NDRG3: variants seen among roughly 807,000 people sequenced by gnomAD.
The protein encoded by NDRG3 is NDRG family member 3, also known as protein NDRG3.
Under a neutral mutation model 57.2 loss-of-function variants are expected in NDRG3, and 23 were observed. The observed-to-expected ratio is 0.40, with a 90% CI of 0.29 to 0.57. NDRG3 has a LOEUF of 0.57. Among genes scored for constraint, NDRG3 ranks in the 20% least tolerant of loss-of-function variants. The probability of loss-of-function intolerance (pLI) is 0.42; values close to 1 mark genes in which losing one functional copy is unlikely to be tolerated. For synonymous variants in NDRG3, 132 were observed against 162.6 expected, an observed-to-expected ratio of 0.81 and a Z score of 1.43; for missense variants, 384 against 457.3, an observed-to-expected ratio of 0.84 and a Z score of 1.46.
chr20:36,695,713 G>A (rs1384091738), intron 3 of NDRG3, among the ~76,000 whole-genome samples: 1 of 152,182 alleles, frequency 6.6e-6, no homozygotes, highest in East Asian at 1.9e-4. Context: ...CAATGACAAT[G>A]CATGCACAGC....
intron 1 of NDRG3, among the ~76,000 whole-genome samples, chr20:36,723,659 A>AATATGTGTGTGTGTGTGT (rs74173994): frequency 6.5e-4 from 87 of 132,940 alleles, no homozygotes; most frequent in African/African-American, 2.3e-3. Context: ...ATATTAGTCT[A>AATATGTGTGTGTGTGTGT]GTGTGTGTGT....
chr20:36,724,860 C>T (rs955686758), intron 1 of NDRG3, among the ~76,000 whole-genome samples: 3 of 152,048 alleles, frequency 2.0e-5, no homozygotes, highest in African/African-American at 7.2e-5. Context: ...ACCCAGGAGG[C>T]GGAGGTTGCA....
At chr20:36,744,861 C>T (rs933392825) in intron 1 of NDRG3, among the ~76,000 whole-genome samples, 6 of 151,434 alleles carry the variant, frequency 4.0e-5, no homozygotes, top group African/African-American at 1.2e-4. Flanking sequence ...CTAGCCAAAT[C>T]TGCTCTGTCA....
intron 9 of NDRG3, among the ~76,000 whole-genome samples, chr20:36,669,396 T>A (rs1417862339): frequency 2.6e-5 from 4 of 151,926 alleles, no homozygotes; most frequent in South Asian, 4.2e-4. Flanking sequence ...ACGTGGCTAA[T>A]TTTTTTTGTA....
chr20:36,707,493 C>T (rs1274640150), intron 2 of NDRG3, among the ~76,000 whole-genome samples: 4 of 152,074 alleles, frequency 2.6e-5, no homozygotes, highest in Non-Finnish European at 5.9e-5. Context: ...AAATGAAAGC[C>T]TTGAAATCTA....
intron 3 of NDRG3, among the ~76,000 whole-genome samples, chr20:36,698,344 C>T (rs540104341): frequency 6.6e-6 from 1 of 151,490 alleles, no homozygotes; most frequent in African/African-American, 2.4e-5. Flanking sequence ...AATCCCAGCA[C>T]TTTGGGAGGC....
At chr20:36,726,967 A>T (rs1437355401) in intron 1 of NDRG3, among the ~76,000 whole-genome samples, 1 of 145,150 alleles carries the variant, frequency 6.9e-6, no homozygotes, top group Non-Finnish European at 1.5e-5. Context: ...CCCAGGCTGG[A>T]GCACAGTGGG....
At chr20:36,707,675 G>C (rs1427634175) in intron 2 of NDRG3, among the ~76,000 whole-genome samples, 1 of 152,058 alleles carries the variant, frequency 6.6e-6, no homozygotes, top group Non-Finnish European at 1.5e-5. Flanking sequence ...AATTCACCAA[G>C]CTTCTAAAAA....
chr20:36,660,152 G>A lies in NDRG3; in HGVS notation c.858+185C>T, dbSNP rs528499352. On this transcript the variant is annotated intron_variant, in intron 13 of 15. Coordinates refer to ENST00000349004, the MANE Select transcript of NDRG3 (RefSeq NM_032013.4). ...GAACCCGAGAGGTGGAGGTTGCAGT[G>A]AGCTGAGATGGCGCCACTGCACTCC... is the stretch of plus-strand genomic sequence containing the variant. Among the ~76,000 whole-genome samples the A allele has an allele frequency of 2.0e-5, 3 of 152,088 alleles. No homozygotes were observed. The East Asian group carries it at 5.9e-4, about 30-fold the overall frequency.
chr20:36,657,767 A>C (rs1978809102), intron 13 of NDRG3, among the ~76,000 whole-genome samples: 1 of 152,236 alleles, frequency 6.6e-6, no homozygotes, highest in Non-Finnish European at 1.5e-5. Context: ...GAGATTAACA[A>C]GGGAGAGGCC....
rs151304726 is a variant in NDRG3 at position 36,694,137 on chromosome 20, C to T, written c.94-5353G>A. Among the ~76,000 whole-genome samples, 703 of 151,622 alleles carry T rather than the reference C, an allele frequency of 4.6e-3. 2 individuals carry two copies. Among genetic ancestry groups the T allele is most frequent in the African/African-American group, 0.016 (640 of 41,284 alleles). ...GTTATCTTGTTGAGTAGGCTGAGGA[C>T]GAGGAGGAACAGGAGGGGTTGGTCT... On this transcript the variant is annotated intron_variant, in intron 3 of 15. Transcript: ENST00000349004.
At chr20:36,663,570 C>T (rs1979379993) in intron 12 of NDRG3, among the ~76,000 whole-genome samples, 1 of 152,022 alleles carries the variant, frequency 6.6e-6, no homozygotes, top group Admixed American at 6.6e-5. Context: ...ATCGAATTAA[C>T]TACTAATAAA....
chr20:36,664,977 C>T, intron 12 of NDRG3, 69 bp downstream of exon 12: 1 of 1,491,732 alleles, frequency 6.7e-7, no homozygotes, highest in Non-Finnish European at 9.4e-7. Flanking sequence ...GCGTGAGCCA[C>T]TGCACCTGGC....
intron 3 of NDRG3, among the ~76,000 whole-genome samples, chr20:36,706,504 T>C (rs900067411): frequency 1.3e-5 from 2 of 152,138 alleles, no homozygotes; most frequent in Admixed American, 6.5e-5. Context: ...TCAGTTTTTT[T>C]GTTTGTTTGT....
chr20:36,716,711 G>C (rs1489168191), intron 2 of NDRG3, among the ~76,000 whole-genome samples: 2 of 152,142 alleles, frequency 1.3e-5, no homozygotes, highest in Non-Finnish European at 2.9e-5. Context: ...GGCTTTCACA[G>C]GGTTCAGTAG....
Position 36,653,407 on chromosome 20 carries a change from G to C in NDRG3, c.*113C>G, listed in dbSNP as rs1443206171. Reference sequence around the variant, plus strand: ...ATCCAGGCTACTAGAGAGAGGTTCAGTGGCCATGCATGAGTTAAAGATAGT... The same window carrying C: ...ATCCAGGCTACTAGAGAGAGGTTCACTGGCCATGCATGAGTTAAAGATAGT... On this transcript the variant is annotated 3_prime_UTR_variant, in exon 16 of 16. Coordinates refer to ENST00000349004, the MANE Select transcript of NDRG3 (RefSeq NM_032013.4). This position sits in a 1 kb window ranked among gnomAD's most constrained non-coding sequence, Gnocchi z 4.2. 1 of 903,196 alleles carries C rather than the reference G, an allele frequency of 1.1e-6. No homozygotes were observed. Among genetic ancestry groups the C allele is most frequent in the Admixed American group, 2.6e-5 (1 of 38,146 alleles). 55.9% of individuals were successfully genotyped at this position (903,196 alleles called of 1,614,324 possible).
chr20:36,675,828 TAAAG>T (rs780329415), intron 8 of NDRG3, among the ~76,000 whole-genome samples: 2 of 152,218 alleles, frequency 1.3e-5, no homozygotes, highest in East Asian at 1.9e-4. Flanking sequence ...GCCCAGCCAA[TAAAG>T]ACTCTTGATA....
intron 8 of NDRG3, among the ~76,000 whole-genome samples, chr20:36,676,413 T>C (rs1980710640): frequency 6.6e-6 from 1 of 152,082 alleles, no homozygotes; most frequent in South Asian, 2.1e-4. Context: ...ATCAAGAAAA[T>C]GGTTCAAAAC....
chr20:36,657,611 C>T (rs1216297765), intron 13 of NDRG3, among the ~76,000 whole-genome samples: 1 of 152,160 alleles, frequency 6.6e-6, no homozygotes, highest in East Asian at 1.9e-4. Context: ...AGCTGTTACA[C>T]ACTCTGGACT....
Sources: allele counts gnomAD v4.1 joint callset (sites outside exome capture counted in the v4.1 genomes callset), GRCh38; gene constraint gnomAD v4.1.1; non-coding constraint Gnocchi (gnomAD v3.1); transcripts MANE v1.5; gene names NCBI Gene and HGNC (gene_info 2026-07-23, HGNC 2026-07-21).